The following IL31RA variants were observed in gnomAD, a reference collection of about 807,000 sequenced individuals.
The protein encoded by IL31RA is interleukin 31 receptor A, also known as interleukin-31 receptor subunit alpha.
A neutral mutation model predicts 83.7 loss-of-function variants in IL31RA; 66 were observed. The observed-to-expected ratio is 0.79, with a 90% confidence interval of 0.65 to 0.97. The LOEUF is 0.97. IL31RA is among the 50% of genes least tolerant of loss of function. IL31RA has a pLI of 0.00. For missense variants in IL31RA, 798 were observed against 919.4 expected (o/e 0.87, Z 1.71); for synonymous variants, 325 against 329.0 (o/e 0.99, Z 0.13).
intron 4 of IL31RA, among the ~76,000 whole-genome samples, chr5:55,874,017 T>G (rs934141545): frequency 2.0e-5 from 3 of 152,108 alleles, no homozygotes; most frequent in African/African-American, 7.2e-5. Context: ...TTTGAAGTCT[T>G]AGTTCCTACA....
chr5:55,874,775 T>TTTTA (rs1468716474), intron 4 of IL31RA, among the ~76,000 whole-genome samples: 1 of 152,140 alleles, frequency 6.6e-6, no homozygotes, highest in East Asian at 1.9e-4. Context: ...GTTTTTTAGG[T>TTTTA]GGATTCCTTA....
chr5:55,853,442 G>C (rs976921040), intron 1 of IL31RA: 32 of 1,536,406 alleles, frequency 2.1e-5, no homozygotes, highest in South Asian at 5.0e-5. Context: ...CCACATCTTA[G>C]TGTGGATAAA....
rs528558318 is a variant in IL31RA, at chr5:55,905,131, G to A, written c.1070-975G>A. Among the ~76,000 whole-genome samples the A allele has an allele frequency of 1.8e-4, 28 of 151,356 alleles. 1 individual carries two copies. The South Asian group carries it at 4.4e-3, about 24-fold the overall frequency. ...CACAAGAATCACTTGAACCCAGGAG[G>A]TGGAGGTTGCAGTGAGCCAAGATCA... On this transcript the variant is annotated intron_variant, in intron 8 of 14. Transcript: ENST00000652347.
intron 14 of IL31RA, among the ~76,000 whole-genome samples, chr5:55,915,838 C>G (rs1329919394): frequency 6.6e-6 from 1 of 152,204 alleles, no homozygotes; most frequent in African/African-American, 2.4e-5. Context: ...GGTTGGACCT[C>G]TAGAGCCGGC....
At chr5:55,841,712 G>A in the IL31RA span, among the ~76,000 whole-genome samples, 2 of 152,100 alleles carry the variant, frequency 1.3e-5, no homozygotes, top group Non-Finnish European at 2.9e-5. Context: ...GAGAGGATCC[G>A]GTGAGTTAGC....
chr5:55,854,173 T>C (rs1745220065), intron 1 of IL31RA, among the ~76,000 whole-genome samples: 1 of 152,200 alleles, frequency 6.6e-6, no homozygotes, highest in Non-Finnish European at 1.5e-5. Context: ...TCCAACATGA[T>C]AGTGCTTTTG....
Position 55,910,615 on chromosome 5 carries a change from A to G in IL31RA, c.1585A>G (p.Ser529Gly). 1 of 1,614,194 alleles carries G rather than the reference A, an allele frequency of 6.2e-7. No homozygotes were observed. The change falls in exon 12 of 15, where the codon AGC becomes GGC. Residue 529 changes from serine (S) to glycine (G), a missense_variant. Ser to Gly is a moderately conservative substitution (Grantham distance 56). Coordinates refer to ENST00000652347, the MANE Select transcript of IL31RA (RefSeq NM_139017.7). Reference protein sequence around the residue: ...KTSYIVQVMASTSAGGTNGTS... With the variant: ...KTSYIVQVMAGTSAGGTNGTS... ...CTCTTACATTGTTCAGGTCATGGCC[A>G]GCACCAGTGCTGGGGGAACCAACGG...
At chr5:55,871,578 A>G (rs1746507094) in intron 3 of IL31RA, among the ~76,000 whole-genome samples, 1 of 152,216 alleles carries the variant, frequency 6.6e-6, no homozygotes, top group Admixed American at 6.5e-5. Context: ...TTCTGAAAAC[A>G]ATATATACCA....
At position 55,903,238 on chromosome 5, in the gene IL31RA, T is replaced by G. The variant is rs1284728034; in HGVS notation, c.1070-2868T>G. Among the ~76,000 whole-genome samples, 1 of 152,052 alleles carries G rather than the reference T, an allele frequency of 6.6e-6. No homozygotes were observed. The highest frequency in any genetic ancestry group is 2.4e-5 in the African/African-American group (1 of 41,388). On this transcript the variant is annotated intron_variant, in intron 8 of 14. Coordinates refer to ENST00000652347, the MANE Select transcript of IL31RA (RefSeq NM_139017.7). This position sits in a 1 kb window ranked among gnomAD's most constrained non-coding sequence, Gnocchi z 4.7. Reference sequence around the variant, plus strand: ...GCCAGAGGAGGAAGATGGGCCCAAGTTGGGGCAGAGCTCAGGATGGGCCAG... The same window carrying G: ...GCCAGAGGAGGAAGATGGGCCCAAGGTGGGGCAGAGCTCAGGATGGGCCAG...
chr5:55,847,239 AAATAAAAATAAAT>A (rs1440028692), upstream of IL31RA, among the ~76,000 whole-genome samples: 6 of 17,386 alleles, frequency 3.5e-4, no homozygotes, highest in South Asian at 3.3e-3. Context: ...AAAAAAAAAA[AAATAAAAATAAAT>A]AAATAAATAA....
chr5:55,866,321 C>T (rs1336917773), intron 2 of IL31RA, among the ~76,000 whole-genome samples: 1 of 152,050 alleles, frequency 6.6e-6, no homozygotes, highest in Non-Finnish European at 1.5e-5. Flanking sequence ...GCCTTTTTGG[C>T]ACCAGGGACC....
At chr5:55,896,997 A>AT (rs1748423944) in intron 7 of IL31RA, among the ~76,000 whole-genome samples, 1 of 698 alleles carries the variant, frequency 1.4e-3, no homozygotes, top group East Asian at 7.6e-3. Flanking sequence ...AAAAAAAAAA[A>AT]AAAATATATA....
intron 3 of IL31RA, 147 bp from the exon 4 acceptor site, chr5:55,872,123 G>T: frequency 1.6e-6 from 1 of 644,704 alleles, no homozygotes; most frequent in Admixed American, 2.6e-5. Flanking sequence ...GAAGGAATTT[G>T]GAAAGAGGAT....
At chr5:55,887,894 G>GA (rs984408248) in intron 5 of IL31RA, among the ~76,000 whole-genome samples, 1 of 149,206 alleles carries the variant, frequency 6.7e-6, no homozygotes, top group Non-Finnish European at 1.5e-5. Context: ...AAAAAAAAAA[G>GA]AAAAAATTAG....
chr5:55,870,153 C>T (rs891729615), intron 3 of IL31RA, among the ~76,000 whole-genome samples: 1 of 152,202 alleles, frequency 6.6e-6, no homozygotes, highest in African/African-American at 2.4e-5. Flanking sequence ...AGCACTCATA[C>T]AGCTATAGGC....
intron 1 of IL31RA, 135 bp downstream of exon 1, chr5:55,851,768 A>C: frequency 7.0e-6 from 11 of 1,580,282 alleles, no homozygotes; most frequent in Non-Finnish European, 9.5e-6. Flanking sequence ...ATTCCGTGGC[A>C]TAATTATGTT....
At chr5:55,841,515 C>T in the IL31RA span, among the ~76,000 whole-genome samples, 1 of 152,236 alleles carries the variant, frequency 6.6e-6, no homozygotes, top group Non-Finnish European at 1.5e-5. Context: ...AACAGGGTCT[C>T]TTGTGTTCCA....
chr5:55,881,471 A>T (rs1019160322), intron 4 of IL31RA, among the ~76,000 whole-genome samples: 1 of 151,948 alleles, frequency 6.6e-6, no homozygotes, highest in African/African-American at 2.4e-5. Flanking sequence ...ACGCCGGCCT[A>T]CTTCCGGCAC....
intron 5 of IL31RA, among the ~76,000 whole-genome samples, chr5:55,884,866 A>G (rs1426213870): frequency 1.3e-5 from 2 of 152,152 alleles, no homozygotes; most frequent in Non-Finnish European, 2.9e-5. Flanking sequence ...ATTCTTATTG[A>G]ATGTCTTCAT....
Sources: allele counts gnomAD v4.1 joint callset (sites outside exome capture counted in the v4.1 genomes callset), GRCh38; gene constraint gnomAD v4.1.1; non-coding constraint Gnocchi (gnomAD v3.1); transcripts MANE v1.5; gene names NCBI Gene and HGNC (gene_info 2026-07-23, HGNC 2026-07-21).